Variants in SMU1 observed in about 807,000 individuals in gnomAD.
SMU1 encodes the protein WD40 repeat-containing protein SMU1.
Under a neutral mutation model 62.0 loss-of-function variants are expected in SMU1, and 2 were observed. The observed-to-expected ratio is 0.03, with a 90% confidence interval of 0.01 to 0.10. The LOEUF is 0.10. SMU1 is among the 10% of genes least tolerant of loss of function. The pLI is 1.00. For synonymous variants in SMU1, 188 were observed against 212.4 expected (o/e 0.89, Z 1.00); for missense variants, 227 against 622.1 (o/e 0.36, Z 6.76).
rs554399945 is a variant in SMU1 at position 33,073,964 on chromosome 9, C to T, written c.27-158G>A. On this transcript the variant is annotated intron_variant, in intron 1 of 11. Coordinates refer to ENST00000397149, the MANE Select transcript of SMU1 (RefSeq NM_018225.3). ...TCACAGAATCTAAATTATAAGGGGA[C>T]CCCCCCTAACCATAGAGACAGAACT... 22 of 195,732 alleles carry T rather than the reference C, an allele frequency of 1.1e-4. 1 individual carries two copies. Among genetic ancestry groups the T allele is most frequent in the African/African-American group, 5.0e-4 (21 of 42,294 alleles). 12.1% of individuals were successfully genotyped at this position (195,732 alleles called of 1,614,324 possible). A position where few individuals can be genotyped will look rare whatever the true frequency, so the allele number is the denominator to read the frequency against.
Position 33,056,738 on chromosome 9 carries a change from A to G in SMU1, c.995+99T>C, listed in dbSNP as rs528372619. The G allele has an allele frequency of 3.8e-6, 5 of 1,307,920 alleles. No homozygotes were observed. The Admixed American group carries it at 6.2e-5, about 16-fold the overall frequency. 81.0% of individuals were successfully genotyped at this position (1,307,920 alleles called of 1,614,324 possible). On this transcript the variant is annotated intron_variant, in intron 8 of 11. Coordinates refer to ENST00000397149, the MANE Select transcript of SMU1 (RefSeq NM_018225.3). ...CCTCTCCATATCACATCATCATGGTAAAAGCATCATGGTAAAAGCGTAAGG... is the reference window on the plus strand; with the variant it reads ...CCTCTCCATATCACATCATCATGGTGAAAGCATCATGGTAAAAGCGTAAGG...
At chr9:33,052,030 A>C (rs1839256373) in intron 10 of SMU1, among the ~76,000 whole-genome samples, 1 of 152,142 alleles carries the variant, frequency 6.6e-6, no homozygotes, top group African/African-American at 2.4e-5. Context: ...AAAAAAAAAA[A>C]AAACAGTTCT....
At chr9:33,047,911 C>T (rs1451202179) in intron 11 of SMU1, among the ~76,000 whole-genome samples, 195 bp downstream of exon 11, 2 of 151,976 alleles carry the variant, frequency 1.3e-5, no homozygotes, top group East Asian at 3.9e-4. Flanking sequence ...TGTTAAGCCA[C>T]CGAGATTTGG....
chr9:33,049,426 G>C (rs753810989), intron 10 of SMU1, among the ~76,000 whole-genome samples: 22 of 152,150 alleles, frequency 1.4e-4, no homozygotes, highest in Non-Finnish European at 2.9e-4. Context: ...AGACCTTACA[G>C]TCTTCACAAA....
chr9:33,043,106 T>G lies in SMU1; in HGVS notation c.*4187A>C, dbSNP rs2119408556. ...CCTCGGCCTCCCAAAGTGCTGGGAT[T>G]ACAGGCTTGAGCCACCGTGCCCGGC... is the stretch of plus-strand genomic sequence containing the variant. On this transcript the variant is annotated 3_prime_UTR_variant, in exon 12 of 12. Coordinates refer to ENST00000397149, the MANE Select transcript of SMU1 (RefSeq NM_018225.3). 6.6e-6 allele frequency: 1 copy of G among 152,468 alleles called. No homozygotes were observed. The highest frequency in any genetic ancestry group is 1.9e-4 in the East Asian group (1 of 5,186). The allele number at this position is 152,468 out of a possible 1,614,324, so 9.4% of individuals were successfully genotyped here.
At chr9:33,075,737 GAA>G (rs1224480081) in intron 1 of SMU1, among the ~76,000 whole-genome samples, 2 of 151,570 alleles carry the variant, frequency 1.3e-5, no homozygotes, top group Non-Finnish European at 2.9e-5. Context: ...TTCCTCCTAT[GAA>G]AAGTCTCCAA....
intron 9 of SMU1, among the ~76,000 whole-genome samples, chr9:33,054,395 T>A (rs931269890): frequency 7.9e-5 from 12 of 152,218 alleles, no homozygotes; most frequent in African/African-American, 2.9e-4. Flanking sequence ...AGGCATTTTT[T>A]AAAAAGCTAC....
chr9:33,068,996 A>C, intron 3 of SMU1, 62 bp from the exon 4 acceptor site: 1 of 1,566,514 alleles, frequency 6.4e-7, no homozygotes. Flanking sequence ...GAGTGTGCTT[A>C]TTTAAAACAA....
At position 33,048,740 on chromosome 9, in the gene SMU1, G is replaced by A. The variant is rs114545806; in HGVS notation, c.1291-482C>T. On this transcript the variant is annotated intron_variant, in intron 10 of 11. Coordinates refer to ENST00000397149, the MANE Select transcript of SMU1 (RefSeq NM_018225.3). ...CTGAGAGAAACCAATCTGAAAAGGCGAACAGTTTACATACTATATGCTTCC... is the reference window on the plus strand; with the variant it reads ...CTGAGAGAAACCAATCTGAAAAGGCAAACAGTTTACATACTATATGCTTCC... 5.8e-3 allele frequency among the ~76,000 whole-genome samples: 886 copies of A among 152,132 alleles called. 6 individuals are homozygous for A. Among genetic ancestry groups the A allele is most frequent in the African/African-American group, 0.016 (665 of 41,504 alleles).
intron 2 of SMU1, among the ~76,000 whole-genome samples, chr9:33,072,204 GTATAT>G (rs1311467055): frequency 3.9e-5 from 6 of 152,090 alleles, no homozygotes; most frequent in African/African-American, 1.4e-4. Flanking sequence ...GGGTGTGGTG[GTATAT>G]GCCTGTAATT....
intron 4 of SMU1, among the ~76,000 whole-genome samples, chr9:33,062,839 C>CA (rs1386494013): frequency 1.3e-5 from 2 of 151,916 alleles, no homozygotes; most frequent in Non-Finnish European, 2.9e-5. Flanking sequence ...TTACCAAATC[C>CA]AAAAAAGAAC....
rs141620295 is a variant in SMU1 at position 33,043,992 on chromosome 9, TAAA to T, written c.*3298_*3300del. ...ACCTGAGATTTATACCATTTGCTGT[TAAA>T]AAAAAAAAAAAAAAAAAAGCCATAC... is the stretch of plus-strand genomic sequence containing the variant. On this transcript the variant is annotated 3_prime_UTR_variant, in exon 12 of 12. Transcript: ENST00000397149. 29,824 of 118,094 alleles carry T rather than the reference TAAA, an allele frequency of 0.25. 3,585 individuals carry two copies. Among genetic ancestry groups the T allele is most frequent in the Non-Finnish European group, 0.3 (17,013 of 57,194 alleles). The allele number at this position is 118,094 out of a possible 1,614,324, so 7.3% of individuals were successfully genotyped here. A position where few individuals can be genotyped will look rare whatever the true frequency, so the allele number is the denominator to read the frequency against.
intron 7 of SMU1, 68 bp from the exon 8 acceptor site, chr9:33,057,032 A>C (rs1839311907): frequency 3.3e-6 from 5 of 1,533,472 alleles, no homozygotes; most frequent in Non-Finnish European, 4.4e-6. Flanking sequence ...TAGCCCACAG[A>C]GCCAAGCAAG....
chr9:33,055,577 G>A (rs1183030093), intron 9 of SMU1, among the ~76,000 whole-genome samples: 1 of 151,994 alleles, frequency 6.6e-6, no homozygotes, highest in Non-Finnish European at 1.5e-5. Flanking sequence ...AATCTTTAAA[G>A]GTACTGAAGA....
intron 6 of SMU1, among the ~76,000 whole-genome samples, chr9:33,059,601 G>C (rs545539018): frequency 2.0e-5 from 3 of 146,442 alleles, no homozygotes; most frequent in Admixed American, 2.0e-4. Context: ...GTTTTGTTTT[G>C]TTTTGTTTTG....
Position 33,044,714 on chromosome 9 carries a change from A to G in SMU1, c.*2579T>C, listed in dbSNP as rs188257381. ...GTTACCTGGGAAAGGCAGATTTTCA[A>G]CTTAGCGTTTACATGTTCACCCAGT... On this transcript the variant is annotated 3_prime_UTR_variant, in exon 12 of 12. Coordinates refer to ENST00000397149, the MANE Select transcript of SMU1 (RefSeq NM_018225.3). 153 of 152,372 alleles carry G rather than the reference A, an allele frequency of 1.0e-3. No homozygotes were observed. Among genetic ancestry groups the G allele is most frequent in the African/African-American group, 3.4e-3 (141 of 41,580 alleles). The allele number at this position is 152,372 out of a possible 1,614,324, so 9.4% of individuals were successfully genotyped here.
intron 6 of SMU1, among the ~76,000 whole-genome samples, chr9:33,058,616 A>G (rs1251933597): frequency 6.6e-6 from 1 of 152,148 alleles, no homozygotes; most frequent in Non-Finnish European, 1.5e-5. Flanking sequence ...TGCGCCCAGT[A>G]AAAAATTACA....
At chr9:33,060,029 G>A (rs1315090055) in intron 6 of SMU1, among the ~76,000 whole-genome samples, 2 of 151,276 alleles carry the variant, frequency 1.3e-5, no homozygotes, top group Non-Finnish European at 1.5e-5. Context: ...TTTGCTTTTT[G>A]TTTTTGAGAC....
At chr9:33,066,225 C>A (rs1384693742) in intron 4 of SMU1, among the ~76,000 whole-genome samples, 1 of 151,598 alleles carries the variant, frequency 6.6e-6, no homozygotes, top group Non-Finnish European at 1.5e-5. Context: ...AAGGGGAAAA[C>A]TCAGAGAAAA....
Sources: allele counts gnomAD v4.1 joint callset (sites outside exome capture counted in the v4.1 genomes callset), GRCh38; gene constraint gnomAD v4.1.1; transcripts MANE v1.5; gene names NCBI Gene and HGNC (gene_info 2026-07-23, HGNC 2026-07-21).